NXT1: variants seen among roughly 807,000 people sequenced by gnomAD.
NXT1 encodes NTF2-related export protein 1.
A neutral mutation model predicts 9.9 loss-of-function variants in NXT1; 3 were observed. The observed-to-expected ratio is 0.30, with a 90% CI of 0.14 to 0.79. The LOEUF is 0.79. NXT1 is among the 30% of genes least tolerant of loss of function. NXT1 has a pLI of 0.63. For synonymous variants in NXT1, 53 were observed against 66.5 expected, an observed-to-expected ratio of 0.80 and a Z score of 0.99; for missense variants, 91 against 178.2, an observed-to-expected ratio of 0.51 and a Z score of 2.79.
At position 23,350,837 on chromosome 20, in the gene NXT1, T is replaced by C. The variant is rs2122992846; in HGVS notation, c.-286T>C. 6.6e-6 allele frequency: 1 copy of C among 152,312 alleles called. No homozygotes were observed. Among genetic ancestry groups the C allele is most frequent in the South Asian group, 2.1e-4 (1 of 4,832 alleles). The allele number at this position is 152,312 out of a possible 1,614,324, so 9.4% of individuals were successfully genotyped here. On this transcript the variant is annotated 5_prime_UTR_variant, in exon 1 of 2. Coordinates refer to ENST00000254998, the MANE Select transcript of NXT1 (RefSeq NM_013248.3). The stretch of plus-strand genomic sequence containing the variant: ...GGCCGCGCGCGGGAAGCCGCGGAAC[T>C]GCGCCGGAAAGTCCCCCGGCTCTGG...
rs570525022 is a variant in NXT1 at position 23,353,293 on chromosome 20, C to T, written c.-61-688C>T. 9.2e-5 allele frequency among the ~76,000 whole-genome samples: 14 copies of T among 152,352 alleles called. No individual in the cohort carries two copies. The East Asian group carries it at 2.3e-3, about 25-fold the overall frequency. ...GCAGCCCCCCTAGCCCCACAACAGA[C>T]CAAATCTGCTGATGCTCCAAGTCCT... On this transcript the variant is annotated intron_variant, in intron 1 of 1. Coordinates refer to ENST00000254998, the MANE Select transcript of NXT1 (RefSeq NM_013248.3).
chr20:23,351,349 CTG>C (rs1315235402), intron 1 of NXT1: 1 of 152,298 alleles, frequency 6.6e-6, no homozygotes, highest in Non-Finnish European at 1.5e-5. Flanking sequence ...GGCCATGCCA[CTG>C]TGGTAGCTTT....
rs144237021 is a variant in NXT1 at position 23,353,666 on chromosome 20, G to A, written c.-61-315G>A. Reference sequence around the variant, plus strand: ...TCAGCCCAACGTATTTGCAGGTTTCGCCCTGAGGTTGGCTGAATCTGTGGA... The same window carrying A: ...TCAGCCCAACGTATTTGCAGGTTTCACCCTGAGGTTGGCTGAATCTGTGGA... On this transcript the variant is annotated intron_variant, in intron 1 of 1. Coordinates refer to ENST00000254998, the MANE Select transcript of NXT1 (RefSeq NM_013248.3). Among the ~76,000 whole-genome samples the A allele has an allele frequency of 4.2e-3, 645 of 152,264 alleles. 4 individuals carry two copies. The highest frequency in any genetic ancestry group is 7.1e-3 in the Non-Finnish European group (485 of 68,024).
Position 23,354,287 on chromosome 20 carries a change from T to G in NXT1, c.246T>G (p.Asp82Glu), listed in dbSNP as rs1194412022. Residue 82 changes from aspartate (D) to glutamate (E), a missense_variant, in exon 2 of 2, where the codon GAT (aspartate) becomes GAG (glutamate). Coordinates refer to ENST00000254998, the MANE Select transcript of NXT1 (RefSeq NM_013248.3). ...ISVVDCQPVH[D>E]EATPSQTTVL... ...TGGTAGACTGCCAGCCTGTTCATGATGAAGCCACACCAAGCCAGACCACGG... is the reference window on the plus strand; with the variant it reads ...TGGTAGACTGCCAGCCTGTTCATGAGGAAGCCACACCAAGCCAGACCACGG... 13 of 1,614,082 alleles carry G rather than the reference T, an allele frequency of 8.1e-6. No homozygotes were observed. Among genetic ancestry groups the G allele is most frequent in the African/African-American group, 2.7e-5 (2 of 74,934 alleles).
rs1399529760 is a variant in NXT1, at chr20:23,350,889, C to G, written c.-234C>G. 6.6e-6 allele frequency: 1 copy of G among 152,158 alleles called. No individual in the cohort carries two copies. Among genetic ancestry groups the G allele is most frequent in the Admixed American group, 6.5e-5 (1 of 15,284 alleles). The allele number at this position is 152,158 out of a possible 1,614,324, so 9.4% of individuals were successfully genotyped here. A position where few individuals can be genotyped will look rare whatever the true frequency, so the allele number is the denominator to read the frequency against. On this transcript the variant is annotated 5_prime_UTR_variant, in exon 1 of 2. Coordinates refer to ENST00000254998, the MANE Select transcript of NXT1 (RefSeq NM_013248.3). ...GCCCCGGTGACCCAGAGTAAGCCTC[C>G]AAGAAGGAGGAGGAGGAGAGAAAGG...
At position 23,354,656 on chromosome 20, in the gene NXT1, G is replaced by A. The variant is rs1450597342; in HGVS notation, c.*192G>A. 5.1e-6 allele frequency: 3 copies of A among 591,808 alleles called. No individual in the cohort carries two copies. The highest frequency in any genetic ancestry group is 8.8e-6 in the Non-Finnish European group (3 of 340,050). 36.7% of individuals were successfully genotyped at this position (591,808 alleles called of 1,614,324 possible). A position where few individuals can be genotyped will look rare whatever the true frequency, so the allele number is the denominator to read the frequency against. ...GAGTCCCTTTCCTGAATATATACTTGTTTGTCATAGTTTCCTTTTCAAAGT... is the reference window on the plus strand; with the variant it reads ...GAGTCCCTTTCCTGAATATATACTTATTTGTCATAGTTTCCTTTTCAAAGT... On this transcript the variant is annotated 3_prime_UTR_variant, in exon 2 of 2. Coordinates refer to ENST00000254998, the MANE Select transcript of NXT1 (RefSeq NM_013248.3).
chr20:23,353,947 C>A, intron 1 of NXT1, 34 bp from the exon 2 acceptor site: 1 of 1,228,544 alleles, frequency 8.1e-7, no homozygotes, highest in Non-Finnish European at 1.2e-6. Context: ...CTTTGGCATT[C>A]ACGTGGCTTC....
rs1426608892 is a variant in NXT1, at chr20:23,354,759, C to T, written c.*295C>T. ...TTCTGACAAATAATTTAATAATACA[C>T]ATGTTGCTTCTTTCCCTGTCTGATG... On this transcript the variant is annotated 3_prime_UTR_variant, in exon 2 of 2. Transcript: ENST00000254998. 5.1e-6 allele frequency: 2 copies of T among 393,898 alleles called. No homozygotes were observed. Among genetic ancestry groups the T allele is most frequent in the Non-Finnish European group, 9.6e-6 (2 of 208,544 alleles). The allele number at this position is 393,898 out of a possible 1,614,324, so 24.4% of individuals were successfully genotyped here.
intron 1 of NXT1, among the ~76,000 whole-genome samples, chr20:23,352,514 T>TAA (rs372885405): frequency 6.9e-6 from 1 of 145,390 alleles, no homozygotes; most frequent in African/African-American, 2.6e-5. Flanking sequence ...CTAATCATTA[T>TAA]AAAAAAAAAA....
chr20:23,352,798 C>T (rs910575609), intron 1 of NXT1, among the ~76,000 whole-genome samples: 2 of 152,020 alleles, frequency 1.3e-5, no homozygotes, highest in East Asian at 3.9e-4. Flanking sequence ...TCTAACATGC[C>T]TTTCTGTGGA....
chr20:23,353,524 G>A (rs1980328301), intron 1 of NXT1, among the ~76,000 whole-genome samples: 2 of 152,218 alleles, frequency 1.3e-5, no homozygotes, highest in Non-Finnish European at 2.9e-5. Flanking sequence ...GGAGGCTGAG[G>A]CAAGAAAATC....
At chr20:23,353,033 C>T (rs1980316232) in intron 1 of NXT1, among the ~76,000 whole-genome samples, 1 of 152,210 alleles carries the variant, frequency 6.6e-6, no homozygotes, top group Admixed American at 6.5e-5. Context: ...TCATGATAGA[C>T]TTTCCTAGAC....
chr20:23,352,353 C>T (rs1336013335), intron 1 of NXT1, among the ~76,000 whole-genome samples: 1 of 152,158 alleles, frequency 6.6e-6, no homozygotes, highest in Non-Finnish European at 1.5e-5. Context: ...CGTGGAAAGA[C>T]CCACGTCTGA....
At chr20:23,352,418 A>C (rs1271511569) in intron 1 of NXT1, among the ~76,000 whole-genome samples, 1 of 152,070 alleles carries the variant, frequency 6.6e-6, no homozygotes, top group Non-Finnish European at 1.5e-5. Flanking sequence ...CCAGCCCTTT[A>C]CCAGAGGCAA....
At chr20:23,351,121 C>G (rs949329682) in intron 1 of NXT1, 60 bp downstream of exon 1, 1 of 152,206 alleles carries the variant, frequency 6.6e-6, no homozygotes, top group Admixed American at 6.5e-5. Context: ...ATACCCCACG[C>G]CCTCCTCCAT....
At chr20:23,352,001 C>G (rs1268590129) in intron 1 of NXT1, among the ~76,000 whole-genome samples, 2 of 152,174 alleles carry the variant, frequency 1.3e-5, no homozygotes, top group Non-Finnish European at 2.9e-5. Flanking sequence ...TTCAACCAAC[C>G]TCAAATCAAA....
Position 23,354,751 on chromosome 20 carries a change from A to C in NXT1, c.*287A>C, listed in dbSNP as rs1402674573. On this transcript the variant is annotated 3_prime_UTR_variant, in exon 2 of 2. Transcript: ENST00000254998. ...TCTGGAAATTCTGACAAATAATTTA[A>C]TAATACACATGTTGCTTCTTTCCCT... 7.1e-6 allele frequency: 3 copies of C among 422,850 alleles called. No homozygotes were observed. 26.2% of individuals were successfully genotyped at this position (422,850 alleles called of 1,614,324 possible). A position where few individuals can be genotyped will look rare whatever the true frequency, so the allele number is the denominator to read the frequency against.
intron 1 of NXT1, among the ~76,000 whole-genome samples, 179 bp from the exon 2 acceptor site, chr20:23,353,802 C>A (rs1300370157): frequency 6.6e-6 from 1 of 152,192 alleles, no homozygotes; most frequent in East Asian, 1.9e-4. Flanking sequence ...TAACAGTGAG[C>A]AAACTGAGTC....
At chr20:23,353,291 G>A (rs952200738) in intron 1 of NXT1, among the ~76,000 whole-genome samples, 6 of 152,194 alleles carry the variant, frequency 3.9e-5, no homozygotes, top group African/African-American at 1.4e-4. Flanking sequence ...CCCCACAACA[G>A]ACCAAATCTG....
Sources: gnomAD v4.1 joint callset for allele counts (sites outside exome capture counted in the v4.1 genomes callset) on GRCh38, gnomAD v4.1.1 for gene constraint, MANE v1.5 for transcripts, NCBI Gene and HGNC (gene_info 2026-07-23, HGNC 2026-07-21) for gene names.